The following IFI27L1 variants were observed in gnomAD, a reference collection of about 807,000 sequenced individuals.
The protein encoded by IFI27L1 is interferon alpha-inducible protein 27-like protein 1.
A neutral mutation model predicts 9.2 loss-of-function variants in IFI27L1; 3 were observed. That is an observed-to-expected ratio of 0.32 (90% CI 0.15 to 0.84). The LOEUF (loss-of-function observed/expected upper bound fraction) is 0.84. Among genes scored for constraint, IFI27L1 ranks in the 40% least tolerant of loss-of-function variants. The probability of loss-of-function intolerance (pLI) is 0.56; values close to 1 mark genes in which losing one functional copy is unlikely to be tolerated. For missense variants in IFI27L1, 133 were observed against 134.2 expected, an observed-to-expected ratio of 0.99 and a Z score of 0.05; for synonymous variants, 53 against 50.0, an observed-to-expected ratio of 1.06 and a Z score of -0.26.
intron 1 of IFI27L1, among the ~76,000 whole-genome samples, chr14:94,095,386 A>G (rs568519200): frequency 2.0e-5 from 3 of 152,194 alleles, no homozygotes; most frequent in African/African-American, 4.8e-5. Context: ...CTCAATGTCT[A>G]CTTGATCTCC....
At chr14:94,102,224 C>G (rs1001323571) in intron 4 of IFI27L1, among the ~76,000 whole-genome samples, 2 of 152,150 alleles carry the variant, frequency 1.3e-5, no homozygotes, top group African/African-American at 4.8e-5. Context: ...AGATAAGGAA[C>G]CTGCCATTTC....
At chr14:94,100,888 C>T (rs1279617707) in intron 3 of IFI27L1, 117 bp downstream of exon 3, 25 of 1,132,626 alleles carry the variant, frequency 2.2e-5, no homozygotes, top group Middle Eastern at 2.7e-4. Flanking sequence ...AGCTGGGTAG[C>T]GGTGGAGTGG....
chr14:94,089,429 A>T (rs1886394958), intron 1 of IFI27L1: 1 of 152,202 alleles, frequency 6.6e-6, no homozygotes, highest in Non-Finnish European at 1.5e-5. Context: ...ATAAATGGTC[A>T]TGGTGCTGCT....
intron 1 of IFI27L1, among the ~76,000 whole-genome samples, chr14:94,095,206 T>C (rs1429069285): frequency 6.6e-6 from 1 of 152,138 alleles, no homozygotes; most frequent in East Asian, 1.9e-4. Flanking sequence ...GGCTAATTTT[T>C]AGAGACTTTT....
At chr14:94,083,065 T>A (rs1454334627) in intron 1 of IFI27L1, among the ~76,000 whole-genome samples, 2 of 152,238 alleles carry the variant, frequency 1.3e-5, no homozygotes, top group Non-Finnish European at 1.5e-5. Flanking sequence ...TTGTGATTCA[T>A]GGGAAGATGT....
intron 2 of IFI27L1, 135 bp from the exon 3 acceptor site, chr14:94,100,604 C>T: frequency 1.3e-6 from 2 of 1,563,032 alleles, no homozygotes; most frequent in South Asian, 2.3e-5. Context: ...TGACCTATGG[C>T]CTAGGATGAG....
intron 2 of IFI27L1, among the ~76,000 whole-genome samples, chr14:94,099,000 G>GGAGC (rs1886786120): frequency 6.6e-6 from 1 of 152,228 alleles, no homozygotes; most frequent in African/African-American, 2.4e-5. Flanking sequence ...ACCACAAGGA[G>GGAGC]CTTTGCTCTA....
chr14:94,090,654 C>A (rs1886444897), intron 1 of IFI27L1, among the ~76,000 whole-genome samples: 1 of 152,188 alleles, frequency 6.6e-6, no homozygotes, highest in South Asian at 2.1e-4. Context: ...TGGTCAGGAA[C>A]CCTGTACAGT....
At chr14:94,098,785 G>T (rs998493393) in intron 2 of IFI27L1, among the ~76,000 whole-genome samples, 1 of 152,116 alleles carries the variant, frequency 6.6e-6, no homozygotes, top group Non-Finnish European at 1.5e-5. Context: ...GGTGTGTCGT[G>T]CCTATACACA....
intron 1 of IFI27L1, among the ~76,000 whole-genome samples, chr14:94,083,100 T>G (rs1886165881): frequency 6.6e-6 from 1 of 152,174 alleles, no homozygotes. Flanking sequence ...TAACAAGAGT[T>G]CGGAAGAAGT....
At chr14:94,091,824 T>A (rs187132972) in intron 1 of IFI27L1, among the ~76,000 whole-genome samples, 199 of 152,182 alleles carry the variant, frequency 1.3e-3, no homozygotes, top group Non-Finnish European at 2.1e-3. Flanking sequence ...TTTTTTTTTT[T>A]AATATAACAT....
chr14:94,096,687 C>G (rs1886680970), intron 1 of IFI27L1, among the ~76,000 whole-genome samples, 200 bp from the exon 2 acceptor site: 1 of 125,222 alleles, frequency 8.0e-6, no homozygotes, highest in Admixed American at 8.5e-5. Context: ...GAGCGAGACT[C>G]TGTCTCAGAA....
intron 1 of IFI27L1, among the ~76,000 whole-genome samples, chr14:94,088,502 T>TTTC (rs149815792): frequency 0.18 from 26,479 of 148,328 alleles, 3,066 homozygotes; most frequent in East Asian, 0.51. Flanking sequence ...GAACAATCTT[T>TTTC]TTTTTTTTTT....
At chr14:94,082,036 A>C (rs1359307670) in intron 1 of IFI27L1, among the ~76,000 whole-genome samples, 1 of 152,252 alleles carries the variant, frequency 6.6e-6, no homozygotes. Flanking sequence ...CTAGGCTGAA[A>C]GTTTGCACCA....
intron 4 of IFI27L1, 151 bp downstream of exon 4, chr14:94,102,126 G>A (rs943549647): frequency 1.2e-6 from 1 of 800,184 alleles, no homozygotes; most frequent in African/African-American, 1.7e-5. Context: ...GGTTGGAGGT[G>A]GGACCAGGGG....
chr14:94,085,579 T>TTTAA (rs1886255348), intron 1 of IFI27L1, among the ~76,000 whole-genome samples: 1 of 152,222 alleles, frequency 6.6e-6, no homozygotes, highest in Non-Finnish European at 1.5e-5. Flanking sequence ...AAGTAGTTGT[T>TTTAA]TTAAGGTGAT....
intron 1 of IFI27L1, among the ~76,000 whole-genome samples, chr14:94,083,115 T>G (rs1327362522): frequency 6.6e-6 from 1 of 152,242 alleles, no homozygotes; most frequent in African/African-American, 2.4e-5. Context: ...AGAAGTTGAC[T>G]CCAGTTCTCA....
chr14:94,083,417 G>A (rs1886176756), intron 1 of IFI27L1, among the ~76,000 whole-genome samples: 1 of 152,174 alleles, frequency 6.6e-6, no homozygotes, highest in Non-Finnish European at 1.5e-5. Flanking sequence ...GGGTTTGAGA[G>A]GATTGACTAC....
intron 1 of IFI27L1, 173 bp from the exon 2 acceptor site, chr14:94,096,714 G>A (rs1013508941): frequency 2.1e-5 from 9 of 437,168 alleles, no homozygotes; most frequent in African/African-American, 1.8e-4. Context: ...AAAAAAAAAG[G>A]CTATGCTTTA....
Sources: allele counts gnomAD v4.1 joint callset (sites outside exome capture counted in the v4.1 genomes callset), GRCh38; gene constraint gnomAD v4.1.1; transcripts MANE v1.5; gene names NCBI Gene and HGNC (gene_info 2026-07-23, HGNC 2026-07-21).